The following TANK variants were observed in gnomAD, a reference collection of about 807,000 sequenced individuals.
The protein encoded by TANK is TRAF family member-associated NF-kappa-B activator.
A neutral mutation model predicts 43.6 loss-of-function variants in TANK; 15 were observed. The observed-to-expected ratio is 0.34, with a 90% CI of 0.23 to 0.53. The LOEUF (loss-of-function observed/expected upper bound fraction) is 0.53, where lower values mean the gene tolerates loss of function less well. Ranked by LOEUF, TANK falls within the 20% of genes least tolerant of loss-of-function variation. The pLI, the probability that TANK is intolerant of heterozygous loss-of-function variation, is 0.94. For synonymous variants in TANK, 162 were observed against 178.2 expected, an observed-to-expected ratio of 0.91 and a Z score of 0.73; for missense variants, 417 against 498.6, an observed-to-expected ratio of 0.84 and a Z score of 1.56.
intron 4 of TANK, among the ~76,000 whole-genome samples, chr2:161,221,444 C>T (rs2105378359): frequency 6.6e-6 from 1 of 152,226 alleles, no homozygotes; most frequent in African/African-American, 2.4e-5. Flanking sequence ...GCTCAACAAA[C>T]TGATTAATCT....
chr2:161,138,020 T>C (rs1456438049), intron 1 of TANK: 1 of 622,896 alleles, frequency 1.6e-6, no homozygotes, highest in Non-Finnish European at 2.0e-6. Flanking sequence ...TCTCATCTCA[T>C]AAAAAGCACA....
At chr2:161,168,557 G>T (rs986110594) in intron 1 of TANK, among the ~76,000 whole-genome samples, 1 of 152,194 alleles carries the variant, frequency 6.6e-6, no homozygotes, top group African/African-American at 2.4e-5. Context: ...TTAAGGCCAG[G>T]CACAGTGGCT....
rs779353454 is a variant in TANK at position 161,179,630 on chromosome 2, A to G, written c.-33A>G. On this transcript the variant is annotated 5_prime_UTR_variant, in exon 2 of 8. Transcript: ENST00000392749. ...ATTTTGCAGACCTGTCATTTACTCC[A>G]TCCTTTATAGTGATGCTACAGGACG... is the stretch of plus-strand genomic sequence containing the variant. 6.2e-7 allele frequency: 1 copy of G among 1,610,690 alleles called. No homozygotes were observed. The highest frequency in any genetic ancestry group is 8.5e-7 in the Non-Finnish European group (1 of 1,178,350).
chr2:161,207,105 G>A (rs1686686568), intron 4 of TANK, among the ~76,000 whole-genome samples: 1 of 151,892 alleles, frequency 6.6e-6, no homozygotes, highest in African/African-American at 2.4e-5. Flanking sequence ...GACCTTCAAT[G>A]GAAATCTTTT....
chr2:161,195,074 A>G (rs1354413976), intron 2 of TANK, among the ~76,000 whole-genome samples: 1 of 152,206 alleles, frequency 6.6e-6, no homozygotes, highest in African/African-American at 2.4e-5. Flanking sequence ...CTTTCTTCCA[A>G]GGTTTTACTT....
At chr2:161,193,392 A>C (rs1686006295) in intron 2 of TANK, among the ~76,000 whole-genome samples, 1 of 152,178 alleles carries the variant, frequency 6.6e-6, no homozygotes, top group Non-Finnish European at 1.5e-5. Context: ...TATTACAGAG[A>C]GACTAAGAAA....
intron 2 of TANK, among the ~76,000 whole-genome samples, chr2:161,185,963 T>C (rs1259771208): frequency 6.6e-6 from 1 of 152,152 alleles, no homozygotes; most frequent in African/African-American, 2.4e-5. Context: ...TATATCAGTC[T>C]CCTACTCAAA....
rs1269243652 is a variant in TANK, at chr2:161,231,082, C to G, written c.632C>G (p.Ser211Cys). Residue 211 changes from serine to cysteine, a missense_variant, in exon 7 of 8, where the codon TCT becomes TGT. Coordinates refer to ENST00000392749, the MANE Select transcript of TANK (RefSeq NM_001199135.3). ...DINRGAPSITSVTPRGLCRDE... is the reference protein window; with the variant it reads ...DINRGAPSITCVTPRGLCRDE... The stretch of plus-strand genomic sequence containing the variant: ...AATAGAGGTGCACCATCCATCACAT[C>G]TGTCACACCAAGAGGACTGTGCAGA... The G allele has an allele frequency of 3.7e-6, 6 of 1,614,128 alleles. No individual in the cohort carries two copies. The East Asian group carries it at 1.3e-4, about 36-fold the overall frequency.
chr2:161,210,938 A>G (rs1686861649), intron 4 of TANK, among the ~76,000 whole-genome samples: 1 of 152,184 alleles, frequency 6.6e-6, no homozygotes, highest in South Asian at 2.1e-4. Flanking sequence ...GATAATTTCT[A>G]GACAAGAGCC....
intron 4 of TANK, chr2:161,219,878 A>G (rs561860634): frequency 1.6e-4 from 56 of 360,084 alleles, no homozygotes; most frequent in South Asian, 1.3e-3. Context: ...TTTTTTTCCT[A>G]CTACTTACTT....
At chr2:161,152,223 C>A (rs1388749332) in intron 1 of TANK, among the ~76,000 whole-genome samples, 1 of 152,040 alleles carries the variant, frequency 6.6e-6, no homozygotes, top group Non-Finnish European at 1.5e-5. Flanking sequence ...AATATATTTA[C>A]CTATGTAGTT....
chr2:161,170,624 A>G (rs1479315144), intron 1 of TANK, among the ~76,000 whole-genome samples: 1 of 152,198 alleles, frequency 6.6e-6, no homozygotes. Flanking sequence ...TCCCCACTGT[A>G]CAAAATTAGA....
At chr2:161,179,914 TTTTG>T (rs1685344880) in intron 2 of TANK, 153 bp downstream of exon 2, 1 of 1,275,124 alleles carries the variant, frequency 7.8e-7, no homozygotes, top group Non-Finnish European at 9.9e-7. Flanking sequence ...AATTTGAAGT[TTTTG>T]TTTGTTGTTT....
At chr2:161,205,028 T>C in intron 4 of TANK, 1 of 1,194,576 alleles carries the variant, frequency 8.4e-7, no homozygotes. Context: ...AAGAAAACAT[T>C]TAACAAAGAA....
chr2:161,161,428 G>C, intron 1 of TANK: 2 of 1,550,700 alleles, frequency 1.3e-6, no homozygotes, highest in Non-Finnish European at 1.7e-6. Context: ...AGAGAAGCAA[G>C]CAGTGCATTC....
intron 4 of TANK, among the ~76,000 whole-genome samples, chr2:161,220,321 AG>A (rs1420252541): frequency 6.6e-6 from 1 of 152,312 alleles, no homozygotes; most frequent in East Asian, 1.9e-4. Flanking sequence ...TCCATAACTC[AG>A]CTGGGCGCGG....
intron 7 of TANK, chr2:161,232,641 G>T: frequency 7.4e-7 from 1 of 1,355,998 alleles, no homozygotes; most frequent in Admixed American, 2.8e-5. Flanking sequence ...TTCATTTATT[G>T]CAAGTAGAAT....
chr2:161,233,458 G>A (rs1688022474), intron 7 of TANK, among the ~76,000 whole-genome samples: 1 of 151,880 alleles, frequency 6.6e-6, no homozygotes, highest in Non-Finnish European at 1.5e-5. Context: ...TAGTAGCAAA[G>A]ACAAGTGAAA....
At chr2:161,147,100 C>G (rs1038717436) in intron 1 of TANK, among the ~76,000 whole-genome samples, 1 of 151,974 alleles carries the variant, frequency 6.6e-6, no homozygotes, top group Non-Finnish European at 1.5e-5. Context: ...AGGGTCTGGC[C>G]GCAGTTTGCC....
Sources: allele counts gnomAD v4.1 joint callset (sites outside exome capture counted in the v4.1 genomes callset), GRCh38; gene constraint gnomAD v4.1.1; transcripts MANE v1.5; gene names NCBI Gene and HGNC (gene_info 2026-07-23, HGNC 2026-07-21).